Variants in SDR42E1 observed in about 807,000 individuals in gnomAD.
SDR42E1 encodes the protein short chain dehydrogenase/reductase family 42E, member 1, also known as short-chain dehydrogenase/reductase family 42E member 1.
SDR42E1 carries 5 observed loss-of-function variants against 2.6 expected under a neutral mutation model. The observed-to-expected ratio is 1.94, with a 90% CI of 1.01 to 4.08. The LOEUF (loss-of-function observed/expected upper bound fraction) is 4.08, where lower values mean the gene tolerates loss of function less well. Ranked by LOEUF, SDR42E1 falls within the 30% of genes most tolerant of loss-of-function variation. The probability of loss-of-function intolerance (pLI) is 0.00; values close to 1 mark genes in which losing one functional copy is unlikely to be tolerated. For synonymous variants in SDR42E1, 231 were observed against 188.3 expected (o/e 1.23, Z -1.86); for missense variants, 596 against 478.6 (o/e 1.25, Z -2.29).
chr16:81,999,178 A>G lies in SDR42E1; in HGVS notation c.1115T>C (p.Leu372Pro), dbSNP rs1250545505. The G allele has an allele frequency of 1.2e-6, 2 of 1,614,228 alleles. No homozygotes were observed. Among genetic ancestry groups the G allele is most frequent in the Admixed American group, 1.7e-5 (1 of 60,026 alleles). The change falls in exon 3 of 3, where the codon CTA (leucine) becomes CCA (proline). Residue 372 changes from leucine to proline, a missense_variant. Coordinates refer to ENST00000328945, the MANE Select transcript of SDR42E1 (RefSeq NM_145168.3). ...RDSECFVWDG[L>P]LVFLLIIAVL... ...TGCTATAATCAGGAGGAAGACCAATAGCCCATCCCAAACAAAACACTCCGA... is the reference window on the plus strand; with the variant it reads ...TGCTATAATCAGGAGGAAGACCAATGGCCCATCCCAAACAAAACACTCCGA...
rs1380178997 is a variant in SDR42E1 at position 81,994,079 on chromosome 16, A to C, written c.*5032T>G. 6.6e-6 allele frequency: 1 copy of C among 152,244 alleles called. No individual in the cohort carries two copies. Among genetic ancestry groups the C allele is most frequent in the African/African-American group, 2.4e-5 (1 of 41,448 alleles). The allele number at this position is 152,244 out of a possible 1,614,324, so 9.4% of individuals were successfully genotyped here. On this transcript the variant is annotated 3_prime_UTR_variant, in exon 3 of 3. Transcript: ENST00000328945. ...GACTGTGGACATGGCACACCAGGACATGCTGCGATTCCTGGAGAAAAATCG... is the reference window on the plus strand; with the variant it reads ...GACTGTGGACATGGCACACCAGGACCTGCTGCGATTCCTGGAGAAAAATCG...
chr16:82,004,816 C>G lies in SDR42E1; in HGVS notation c.-26-3932G>C, dbSNP rs537415215. Among the ~76,000 whole-genome samples, 14 of 152,308 alleles carry G rather than the reference C, an allele frequency of 9.2e-5. No individual in the cohort carries two copies. In the South Asian group the frequency reaches 2.5e-3, roughly 27 times the overall value. On this transcript the variant is annotated intron_variant, in intron 1 of 2. Transcript: ENST00000328945. ...TAAGGGAGATGTGGCTCTAGACTAG[C>G]GGGTTACCAGTGAGGACAAAAGGCC...
chr16:82,000,037 C>G lies in SDR42E1; in HGVS notation c.256G>C (p.Gly86Arg). 6.2e-7 allele frequency: 1 copy of G among 1,614,206 alleles called. No homozygotes were observed. The highest frequency in any genetic ancestry group is 1.3e-5 in the African/African-American group (1 of 75,052). The change falls in exon 3 of 3, where the codon GGG becomes CGG. Residue 86 changes from glycine to arginine, a missense_variant. Gly to Arg is a moderately radical substitution (Grantham distance 125). Coordinates refer to ENST00000328945, the MANE Select transcript of SDR42E1 (RefSeq NM_145168.3). ...AGGTTTCGATTGAGTTGCTCCCGCCCTGACATACCATAAGAGGCAATATGG... is the reference window on the plus strand; with the variant it reads ...AGGTTTCGATTGAGTTGCTCCCGCCGTGACATACCATAAGAGGCAATATGG... ...VFHIASYGMS[G>R]REQLNRNLIK... is the part of the protein sequence containing the mutation.
chr16:81,999,223 C>T lies in SDR42E1; in HGVS notation c.1070G>A (p.Arg357Lys), dbSNP rs1274374252. 6.2e-7 allele frequency: 1 copy of T among 1,614,234 alleles called. No individual in the cohort carries two copies. ...VEWFKAHGHG[R>K]SSGSRDSECF... ...CTCCGAGTCACGACTTCCAGAACTT[C>T]TGCCATGACCATGGGCTTTAAACCA... The change falls in exon 3 of 3, where the codon AGA becomes AAA. Residue 357 changes from arginine (R) to lysine (K), a missense_variant. By Grantham distance (26) the Arg-to-Lys change is conservative. Transcript: ENST00000328945.
chr16:81,999,755 T>C lies in SDR42E1; in HGVS notation c.538A>G (p.Thr180Ala). Reference protein sequence around the residue: ...PLDRGDGVLRTCALRPAGIYG... With the variant: ...PLDRGDGVLRACALRPAGIYG... The stretch of plus-strand genomic sequence containing the variant: ...ATGCCAGCTGGCCTCAGAGCGCAGG[T>C]TCTTAAGACACCGTCGCCTCTGTCC... Residue 180 changes from threonine to alanine, a missense_variant, in exon 3 of 3, where the codon ACC becomes GCC. Physicochemically the swap from Thr to Ala is moderately conservative, Grantham distance 58. Coordinates refer to ENST00000328945, the MANE Select transcript of SDR42E1 (RefSeq NM_145168.3). 6.2e-7 allele frequency: 1 copy of C among 1,614,164 alleles called. No homozygotes were observed. Among genetic ancestry groups the C allele is most frequent in the African/African-American group, 1.3e-5 (1 of 75,044 alleles).
intron 1 of SDR42E1, among the ~76,000 whole-genome samples, chr16:82,006,269 T>A (rs1037009873): frequency 1.1e-4 from 17 of 152,220 alleles, no homozygotes; most frequent in African/African-American, 3.1e-4. Flanking sequence ...TTTAAATCAC[T>A]GTACAAGTGC....
intron 1 of SDR42E1, among the ~76,000 whole-genome samples, chr16:82,009,125 G>C (rs576929264): frequency 8.5e-5 from 13 of 152,332 alleles, no homozygotes; most frequent in African/African-American, 2.4e-4. Flanking sequence ...TTCAGAGGAT[G>C]TATGGAAACT....
At chr16:82,008,063 G>A (rs1039832177) in intron 1 of SDR42E1, among the ~76,000 whole-genome samples, 1 of 152,128 alleles carries the variant, frequency 6.6e-6, no homozygotes, top group Non-Finnish European at 1.5e-5. Flanking sequence ...TCTCATGATA[G>A]TAAGTCCCAC....
intron 1 of SDR42E1, among the ~76,000 whole-genome samples, chr16:82,005,975 G>A (rs1035838846): frequency 6.6e-6 from 1 of 152,086 alleles, no homozygotes; most frequent in African/African-American, 2.4e-5. Context: ...AAGATGACTG[G>A]GAGTACTTTA....
In SDR42E1 at chr16:81,999,436, A is replaced by C; in HGVS notation, c.857T>G (p.Leu286Trp). 1.9e-6 allele frequency: 3 copies of C among 1,614,226 alleles called. No individual in the cohort carries two copies. Among genetic ancestry groups the C allele is most frequent in the Non-Finnish European group, 2.5e-6 (3 of 1,180,044 alleles). ...TGTTAGAAAAGCAAAGCAGTAGACC[A>C]AGGTCAATGGCAGGCGGGTAGACGG... is the stretch of plus-strand genomic sequence containing the variant. The part of the protein sequence containing the change: ...TFPSTRLPLT[L>W]VYCFAFLTEM... Residue 286 changes from leucine to tryptophan, a missense_variant, in exon 3 of 3, where the codon TTG becomes TGG. Physicochemically the swap from Leu to Trp is moderately conservative, Grantham distance 61 (BLOSUM62 -2). Coordinates refer to ENST00000328945, the MANE Select transcript of SDR42E1 (RefSeq NM_145168.3).
intron 1 of SDR42E1, among the ~76,000 whole-genome samples, chr16:82,001,903 A>C (rs899373332): frequency 4.8e-5 from 6 of 126,172 alleles, no homozygotes; most frequent in African/African-American, 2.7e-4. Flanking sequence ...CTCCATCTCA[A>C]AAAAAAAAAA....
Position 81,989,582 on chromosome 16 carries a change from T to C in SDR42E1, c.*9529A>G, listed in dbSNP as rs1028150508. 2 of 152,222 alleles carry C rather than the reference T, an allele frequency of 1.3e-5. No homozygotes were observed. The highest frequency in any genetic ancestry group is 4.8e-5 in the African/African-American group (2 of 41,452). 9.4% of individuals were successfully genotyped at this position (152,222 alleles called of 1,614,324 possible). A position where few individuals can be genotyped will look rare whatever the true frequency, so the allele number is the denominator to read the frequency against. ...ACCAACACACACCGCTATGGGTGTTTATAGACATCAAAATTTAGAGCAGAG... is the reference window on the plus strand; with the variant it reads ...ACCAACACACACCGCTATGGGTGTTCATAGACATCAAAATTTAGAGCAGAG... On this transcript the variant is annotated 3_prime_UTR_variant, in exon 3 of 3. Transcript: ENST00000328945.
At chr16:82,009,325 T>G (rs567575598) in intron 1 of SDR42E1, among the ~76,000 whole-genome samples, 83 of 152,304 alleles carry the variant, frequency 5.4e-4, no homozygotes, top group South Asian at 1.2e-3. Context: ...ACCAACAGCT[T>G]GCACCGTACA....
rs1366375803 is a variant in SDR42E1, at chr16:81,994,974, C to T, written c.*4137G>A. 6.6e-6 allele frequency: 1 copy of T among 152,238 alleles called. No homozygotes were observed. The highest frequency in any genetic ancestry group is 1.5e-5 in the Non-Finnish European group (1 of 68,054). 9.4% of individuals were successfully genotyped at this position (152,238 alleles called of 1,614,324 possible). A position where few individuals can be genotyped will look rare whatever the true frequency, so the allele number is the denominator to read the frequency against. On this transcript the variant is annotated 3_prime_UTR_variant, in exon 3 of 3. Coordinates refer to ENST00000328945, the MANE Select transcript of SDR42E1 (RefSeq NM_145168.3). ...CCAGAATGAGTTATTTGACCCTCCACTAACTGTTACTGCTTGTAATGTGGC... is the reference window on the plus strand; with the variant it reads ...CCAGAATGAGTTATTTGACCCTCCATTAACTGTTACTGCTTGTAATGTGGC...
chr16:82,006,308 TTATTA>T (rs1912932693), intron 1 of SDR42E1, among the ~76,000 whole-genome samples: 1 of 152,240 alleles, frequency 6.6e-6, no homozygotes, highest in South Asian at 2.1e-4. Context: ...AACTGTATTC[TTATTA>T]TATTGAGATC....
rs1351364282 is a variant in SDR42E1 at position 81,999,665 on chromosome 16, T to C, written c.628A>G (p.Lys210Glu). 1 of 1,614,200 alleles carries C rather than the reference T, an allele frequency of 6.2e-7. No homozygotes were observed. The highest frequency in any genetic ancestry group is 8.5e-7 in the Non-Finnish European group (1 of 1,180,030). ...CTCCTGGGGTCCCCGTAGACAAACT[T>C]GAACAGACCCTTCTCGATGTAGCTG... Reference protein sequence around the residue: ...IVSYIEKGLFKFVYGDPRSLV... With the variant: ...IVSYIEKGLFEFVYGDPRSLV... The change falls in exon 3 of 3, where the codon AAG (lysine) becomes GAG (glutamate). Residue 210 changes from lysine (K) to glutamate (E), a missense_variant. Transcript: ENST00000328945.
In SDR42E1 at chr16:82,000,807, C is replaced by G. The variant is rs1190153948; in HGVS notation, c.52G>C (p.Gly18Arg). Reference sequence around the variant, plus strand: ...TACACTTACCGAAAACCAAAATAGCCACTTCCTCCTGTAATGAGGACACTT... The same window carrying G: ...TACACTTACCGAAAACCAAAATAGCGACTTCCTCCTGTAATGAGGACACTT... Reference protein sequence around the residue: ...KESVLITGGSGYFGFRLGCAL... With the variant: ...KESVLITGGSRYFGFRLGCAL... The change falls in exon 2 of 3, where the codon GGC (glycine) becomes CGC (arginine). Residue 18 changes from glycine (G) to arginine (R), a missense_variant. Physicochemically the swap from Gly to Arg is moderately radical, Grantham distance 125 (BLOSUM62 -2). Transcript: ENST00000328945. 5.0e-6 allele frequency: 8 copies of G among 1,613,566 alleles called. No individual in the cohort carries two copies. The highest frequency in any genetic ancestry group is 6.8e-6 in the Non-Finnish European group (8 of 1,179,812).
chr16:81,990,104 G>A lies in SDR42E1; in HGVS notation c.*9007C>T, dbSNP rs1266171486. 1 of 152,292 alleles carries A rather than the reference G, an allele frequency of 6.6e-6. No individual in the cohort carries two copies. The highest frequency in any genetic ancestry group is 1.5e-5 in the Non-Finnish European group (1 of 68,144). The allele number at this position is 152,292 out of a possible 1,614,324, so 9.4% of individuals were successfully genotyped here. On this transcript the variant is annotated 3_prime_UTR_variant, in exon 3 of 3. Coordinates refer to ENST00000328945, the MANE Select transcript of SDR42E1 (RefSeq NM_145168.3). ...AGGAAGGAGGATCACCTAAGGCCAG[G>A]AGTTTGAGACCAGCCTGGGCAAAAC... is the stretch of plus-strand genomic sequence containing the variant.
rs13332725 is a variant in SDR42E1, at chr16:81,999,051, A to G, written c.*60T>C. On this transcript the variant is annotated 3_prime_UTR_variant, in exon 3 of 3. Coordinates refer to ENST00000328945, the MANE Select transcript of SDR42E1 (RefSeq NM_145168.3). ...CAGATATCACTGTACACATTTTAAA[A>G]CCCATGTTTCTTGAGAACCATCTCA... is the stretch of plus-strand genomic sequence containing the variant. The G allele has an allele frequency of 4.3e-3, 6,625 of 1,540,774 alleles. 292 individuals carry two copies. The African/African-American group carries it at 0.081, about 19-fold the overall frequency.
Sources: allele counts gnomAD v4.1 joint callset (sites outside exome capture counted in the v4.1 genomes callset), GRCh38; gene constraint gnomAD v4.1.1; transcripts MANE v1.5; gene names NCBI Gene and HGNC (gene_info 2026-07-23, HGNC 2026-07-21).